Variants in SLAIN2 observed in about 807,000 individuals in gnomAD.
The protein encoded by SLAIN2 is SLAIN motif-containing protein 2.
In SLAIN2, 31 loss-of-function variants were observed where a neutral mutation model predicts 56.6. The observed-to-expected ratio is 0.55, with a 90% CI of 0.41 to 0.74. SLAIN2 has a LOEUF of 0.74. Among genes scored for constraint, SLAIN2 ranks in the 30% least tolerant of loss-of-function variants. SLAIN2 has a pLI of 0.00. For missense variants in SLAIN2, 777 were observed against 754.2 expected, an observed-to-expected ratio of 1.03 and a Z score of -0.35; for synonymous variants, 317 against 284.9, an observed-to-expected ratio of 1.11 and a Z score of -1.13.
chr4:48,383,842 A>G (rs535741228), intron 6 of SLAIN2, 58 bp downstream of exon 6: 1 of 1,537,232 alleles, frequency 6.5e-7, no homozygotes, highest in Non-Finnish European at 8.8e-7. Context: ...TGAAAATTTT[A>G]GATATTTGTT....
chr4:48,356,412 C>G (rs890061696), intron 1 of SLAIN2, among the ~76,000 whole-genome samples: 1 of 151,906 alleles, frequency 6.6e-6, no homozygotes, highest in Non-Finnish European at 1.5e-5. Flanking sequence ...CTGAAAAGAT[C>G]TGTACTAGTA....
At chr4:48,399,617 T>A (rs906293137) in intron 6 of SLAIN2, among the ~76,000 whole-genome samples, 1 of 152,190 alleles carries the variant, frequency 6.6e-6, no homozygotes, top group Non-Finnish European at 1.5e-5. Context: ...TTTTGCCCAT[T>A]CAGTATGATA....
Position 48,341,761 on chromosome 4 carries a change from G to T in SLAIN2, c.22G>T (p.Val8Leu), listed in dbSNP as rs1478898176. The T allele has an allele frequency of 3.9e-6, 6 of 1,532,232 alleles. No individual in the cohort carries two copies. The highest frequency in any genetic ancestry group is 5.3e-6 in the Non-Finnish European group (6 of 1,139,600). The allele number at this position is 1,532,232 out of a possible 1,614,324, so 94.9% of individuals were successfully genotyped here. A position where few individuals can be genotyped will look rare whatever the true frequency, so the allele number is the denominator to read the frequency against. MEDVNSN[V>L]NADQEVRKLQ... ...CGGGATGGAGGACGTTAACTCCAACGTGAACGCGGACCAGGAGGTGCGGAA... is the reference window on the plus strand; with the variant it reads ...CGGGATGGAGGACGTTAACTCCAACTTGAACGCGGACCAGGAGGTGCGGAA... The change falls in exon 1 of 8, where the codon GTG (valine) becomes TTG (leucine). Residue 8 changes from valine to leucine, a missense_variant. Coordinates refer to ENST00000264313, the MANE Select transcript of SLAIN2 (RefSeq NM_020846.2).
At chr4:48,364,893 GGAGGGA>G (rs1454332102) in intron 1 of SLAIN2, among the ~76,000 whole-genome samples, 2 of 135,476 alleles carry the variant, frequency 1.5e-5, no homozygotes, top group African/African-American at 5.5e-5. Flanking sequence ...AGGGGGAGGG[GGAGGGA>G]GAGGGAGAGC....
intron 2 of SLAIN2, among the ~76,000 whole-genome samples, chr4:48,374,514 A>G (rs559241595): frequency 2.0e-4 from 30 of 152,294 alleles, no homozygotes; most frequent in African/African-American, 7.0e-4. Context: ...TGCTAGGATT[A>G]AAGGTGTGAG....
At chr4:48,408,757 T>C (rs1004829916) in intron 6 of SLAIN2, among the ~76,000 whole-genome samples, 6 of 152,064 alleles carry the variant, frequency 3.9e-5, no homozygotes, top group Non-Finnish European at 8.8e-5. Context: ...GAAAAATAAA[T>C]TTAGTGTAGC....
At chr4:48,365,925 C>CT (rs1251393350) in intron 1 of SLAIN2, among the ~76,000 whole-genome samples, 2 of 151,490 alleles carry the variant, frequency 1.3e-5, no homozygotes, top group Non-Finnish European at 2.9e-5. Context: ...TTTTAGACCT[C>CT]TTTTCTTTCC....
intron 1 of SLAIN2, among the ~76,000 whole-genome samples, chr4:48,350,988 T>C (rs1290282713): frequency 6.6e-6 from 1 of 152,190 alleles, no homozygotes; most frequent in Non-Finnish European, 1.5e-5. Context: ...AAAAATCAGG[T>C]TTATAATTCA....
intron 2 of SLAIN2, among the ~76,000 whole-genome samples, chr4:48,373,878 TAAAAATACAAA>T (rs1485847315): frequency 5.3e-5 from 8 of 152,074 alleles, no homozygotes; most frequent in African/African-American, 1.7e-4. Flanking sequence ...CTGTCTCTAC[TAAAAATACAAA>T]ATTAATGGTG....
chr4:48,381,351 C>T (rs1479211844), intron 4 of SLAIN2, among the ~76,000 whole-genome samples: 10 of 151,370 alleles, frequency 6.6e-5, no homozygotes, highest in Admixed American at 4.6e-4. Flanking sequence ...TTGAAAACTA[C>T]AGCTTTTTTT....
At chr4:48,382,111 C>G (rs1239227687) in intron 4 of SLAIN2, among the ~76,000 whole-genome samples, 2 of 152,132 alleles carry the variant, frequency 1.3e-5, no homozygotes, top group South Asian at 4.1e-4. Flanking sequence ...TTCTTTGGTA[C>G]TTTATCATCT....
At chr4:48,408,377 A>T (rs1341859891) in intron 6 of SLAIN2, among the ~76,000 whole-genome samples, 1 of 152,016 alleles carries the variant, frequency 6.6e-6, no homozygotes, top group African/African-American at 2.4e-5. Flanking sequence ...TTCAGTCAAC[A>T]GTGGATTGCG....
chr4:48,394,671 C>T lies in SLAIN2; in HGVS notation c.1360+10887C>T, dbSNP rs754047490. 2.4e-5 allele frequency: 36 copies of T among 1,531,032 alleles called. No homozygotes were observed. The Middle Eastern group carries it at 5.0e-4, about 21-fold the overall frequency. The allele number at this position is 1,531,032 out of a possible 1,614,324, so 94.8% of individuals were successfully genotyped here. A position where few individuals can be genotyped will look rare whatever the true frequency, so the allele number is the denominator to read the frequency against. ...AAAAAGAGGTAACTACAGCCTCTTACTCAGTTTAAAATTTCAGCAAATGAT... is the reference window on the plus strand; with the variant it reads ...AAAAAGAGGTAACTACAGCCTCTTATTCAGTTTAAAATTTCAGCAAATGAT... On this transcript the variant is annotated intron_variant, in intron 6 of 7. Transcript: ENST00000264313.
intron 1 of SLAIN2, among the ~76,000 whole-genome samples, chr4:48,360,815 G>A (rs2109743948): frequency 6.6e-6 from 1 of 152,208 alleles, no homozygotes; most frequent in South Asian, 2.1e-4. Flanking sequence ...TGATCAACTT[G>A]TCTCAGATTT....
rs1407145821 is a variant in SLAIN2, at chr4:48,423,893, G to A, written c.*1816G>A. The A allele has an allele frequency of 6.6e-6, 1 of 152,020 alleles. No individual in the cohort carries two copies. The highest frequency in any genetic ancestry group is 1.9e-4 in the East Asian group (1 of 5,192). The allele number at this position is 152,020 out of a possible 1,614,324, so 9.4% of individuals were successfully genotyped here. A position where few individuals can be genotyped will look rare whatever the true frequency, so the allele number is the denominator to read the frequency against. Reference sequence around the variant, plus strand: ...TAAAGCATCTTCTTTTGGGAGGGGGGTATCTCATGTCTAAGTAAGTAAAAG... The same window carrying A: ...TAAAGCATCTTCTTTTGGGAGGGGGATATCTCATGTCTAAGTAAGTAAAAG... On this transcript the variant is annotated 3_prime_UTR_variant, in exon 8 of 8. Transcript: ENST00000264313.
intron 6 of SLAIN2, 83 bp from the exon 7 acceptor site, chr4:48,420,042 C>A: frequency 7.4e-7 from 1 of 1,342,860 alleles, no homozygotes; most frequent in Non-Finnish European, 1.0e-6. Flanking sequence ...TACTAGTGCC[C>A]AATCATCAGT....
At chr4:48,368,051 C>CTTTTTTTTCTTTTTTTTTTTT (rs1715568804) in intron 1 of SLAIN2, among the ~76,000 whole-genome samples, 1 of 88,848 alleles carries the variant, frequency 1.1e-5, no homozygotes, top group Non-Finnish European at 2.0e-5. Context: ...GTTTTTGAGG[C>CTTTTTTTTCTTTTTTTTTTTT]TTTTTTTTTT....
chr4:48,386,806 C>T (rs550487854), intron 6 of SLAIN2, among the ~76,000 whole-genome samples: 14 of 152,210 alleles, frequency 9.2e-5, no homozygotes, highest in African/African-American at 3.1e-4. Context: ...TGAGAATATC[C>T]TGTTTCTGGC....
chr4:48,400,754 AG>A (rs2109776766), intron 6 of SLAIN2, among the ~76,000 whole-genome samples: 1 of 151,822 alleles, frequency 6.6e-6, no homozygotes, highest in South Asian at 2.1e-4. Context: ...TTAAAAAAAA[AG>A]CTTCTAAATT....
Sources: gnomAD v4.1 joint callset for allele counts (sites outside exome capture counted in the v4.1 genomes callset) on GRCh38, gnomAD v4.1.1 for gene constraint, MANE v1.5 for transcripts, NCBI Gene and HGNC (gene_info 2026-07-23, HGNC 2026-07-21) for gene names.